Variants in ASPH observed in about 807,000 individuals in gnomAD.
The protein encoded by ASPH is aspartate beta-hydroxylase, also known as aspartyl/asparaginyl beta-hydroxylase.
ASPH carries 100 observed loss-of-function variants against 118.4 expected under a neutral mutation model. That is an observed-to-expected ratio of 0.84 (90% CI 0.72 to 1.00). The LOEUF (loss-of-function observed/expected upper bound fraction) is 1.00. Among genes scored for constraint, ASPH ranks in the 50% least tolerant of loss-of-function variants. The pLI is 0.00. For missense variants in ASPH, 920 were observed against 919.5 expected, an observed-to-expected ratio of 1.00 and a Z score of -0.01; for synonymous variants, 315 against 325.6, an observed-to-expected ratio of 0.97 and a Z score of 0.35.
intron 14 of ASPH, among the ~76,000 whole-genome samples, chr8:61,607,912 G>T (rs932896523): frequency 6.6e-6 from 1 of 152,192 alleles, no homozygotes; most frequent in East Asian, 1.9e-4. Context: ...ATCTCAAAGA[G>T]GATAGTGTCT....
At chr8:61,510,028 G>A (rs976529801) in intron 24 of ASPH, among the ~76,000 whole-genome samples, 3 of 152,156 alleles carry the variant, frequency 2.0e-5, no homozygotes, top group Non-Finnish European at 4.4e-5. Flanking sequence ...TGTTATGAGA[G>A]TGCTTGATCT....
intron 21 of ASPH, among the ~76,000 whole-genome samples, chr8:61,547,072 T>C (rs141703721): frequency 6.8e-4 from 103 of 152,342 alleles, no homozygotes; most frequent in African/African-American, 2.4e-3. Flanking sequence ...ATGAAGTTTT[T>C]ACATTTTGAG....
chr8:61,550,449 A>ACACG (rs1825557484), intron 20 of ASPH, among the ~76,000 whole-genome samples: 2 of 148,032 alleles, frequency 1.4e-5, no homozygotes, highest in Admixed American at 1.4e-4. Flanking sequence ...ACATACACAC[A>ACACG]CACACACACA....
chr8:61,563,778 C>CA (rs1830755535), intron 17 of ASPH, among the ~76,000 whole-genome samples: 1 of 152,210 alleles, frequency 6.6e-6, no homozygotes, highest in Non-Finnish European at 1.5e-5. Flanking sequence ...CCTATCTGCC[C>CA]ACCTAGGCTC....
At chr8:61,530,618 C>T (rs1206850150) in intron 21 of ASPH, among the ~76,000 whole-genome samples, 2 of 152,302 alleles carry the variant, frequency 1.3e-5, no homozygotes, top group Non-Finnish European at 1.5e-5. Flanking sequence ...TTAAAATTGA[C>T]TTCCTGCAGA....
intron 21 of ASPH, among the ~76,000 whole-genome samples, chr8:61,534,047 A>G (rs1446362213): frequency 1.3e-5 from 2 of 152,150 alleles, no homozygotes; most frequent in African/African-American, 4.8e-5. Flanking sequence ...TCCCGGGATC[A>G]AGTAATTCTC....
chr8:61,684,027 C>A lies in ASPH; in HGVS notation c.253+12G>T. 2 of 1,609,994 alleles carry A rather than the reference C, an allele frequency of 1.2e-6. No individual in the cohort carries two copies. The highest frequency in any genetic ancestry group is 1.7e-6 in the Non-Finnish European group (2 of 1,177,678). The stretch of plus-strand genomic sequence containing the variant: ...CTCTTACAAATTCACATAAGGATAT[C>A]AAAATTCTTACCTAGAACTTCCTCA... On this transcript the variant is annotated intron_variant, in intron 2 of 24. Transcript: ENST00000379454.
intron 20 of ASPH, 97 bp downstream of exon 20, chr8:61,552,934 A>G: frequency 9.5e-7 from 1 of 1,050,184 alleles, no homozygotes; most frequent in Non-Finnish European, 1.4e-6. Flanking sequence ...GAAAGTTCAC[A>G]CTCAAAATAT....
At chr8:61,587,876 C>A (rs1432055883) in intron 14 of ASPH, among the ~76,000 whole-genome samples, 1 of 152,114 alleles carries the variant, frequency 6.6e-6, no homozygotes, top group Non-Finnish European at 1.5e-5. Flanking sequence ...ACATGTTCTA[C>A]CTGTAGAAAA....
intron 18 of ASPH, among the ~76,000 whole-genome samples, chr8:61,559,865 C>T (rs1829176715): frequency 6.6e-6 from 1 of 152,088 alleles, no homozygotes; most frequent in Admixed American, 6.6e-5. Flanking sequence ...AAGACCACTG[C>T]TGCAGGAAAT....
At position 61,546,235 on chromosome 8, in the gene ASPH, G is replaced by A. The variant is rs527440779; in HGVS notation, c.1764+1836C>T. Among the ~76,000 whole-genome samples the A allele has an allele frequency of 2.0e-5, 3 of 152,310 alleles. No individual in the cohort carries two copies. The South Asian group carries it at 6.2e-4, about 32-fold the overall frequency. On this transcript the variant is annotated intron_variant, in intron 21 of 24. Transcript: ENST00000379454. ...AAGAACATCTTCCCTTGATTATACT[G>A]CCCCGAAGTCTGCCCTACTGCTAGG...
chr8:61,657,787 C>T (rs755821722), intron 3 of ASPH: 5 of 152,086 alleles, frequency 3.3e-5, no homozygotes, highest in African/African-American at 1.2e-4. Flanking sequence ...GCAAGCCACT[C>T]CCTCAACAAA....
intron 1 of ASPH, among the ~76,000 whole-genome samples, chr8:61,696,097 G>C (rs960261801): frequency 1.3e-5 from 2 of 152,114 alleles, no homozygotes; most frequent in Non-Finnish European, 2.9e-5. Flanking sequence ...CTCCCTGATT[G>C]ATCTTGGATG....
At position 61,681,010 on chromosome 8, in the gene ASPH, C is replaced by G; in HGVS notation, c.280G>C (p.Gly94Arg). 2 of 1,604,002 alleles carry G rather than the reference C, an allele frequency of 1.2e-6. No homozygotes were observed. Among genetic ancestry groups the G allele is most frequent in the Non-Finnish European group, 1.7e-6 (2 of 1,174,758 alleles). ...LGKLGIYDAD[G>R]DGDFDVDDAK... is the part of the protein sequence containing the mutation. ...TCATCCACATCAAAATCTCCATCACCATCAGCATCATAGATTCCTAGTTTT... is the reference window on the plus strand; with the variant it reads ...TCATCCACATCAAAATCTCCATCACGATCAGCATCATAGATTCCTAGTTTT... Residue 94 changes from glycine (G) to arginine (R), a missense_variant, in exon 3 of 25, where the codon GGT becomes CGT. Transcript: ENST00000379454.
intron 14 of ASPH, among the ~76,000 whole-genome samples, chr8:61,608,652 T>C (rs995920658): frequency 9.2e-5 from 14 of 152,216 alleles, no homozygotes; most frequent in Non-Finnish European, 1.6e-4. Context: ...TAAAAATTTT[T>C]AGTTAAGATG....
chr8:61,550,341 G>A (rs1313334268), intron 20 of ASPH, among the ~76,000 whole-genome samples: 2 of 152,080 alleles, frequency 1.3e-5, no homozygotes, highest in Admixed American at 6.6e-5. Flanking sequence ...GGGGCAGTAA[G>A]AGCCCCTGGG....
chr8:61,518,244 G>T, intron 22 of ASPH, 121 bp from the exon 23 acceptor site: 2 of 790,296 alleles, frequency 2.5e-6, no homozygotes, highest in Non-Finnish European at 4.0e-6. Context: ...GAGTAAACAT[G>T]AGAAGATGAA....
chr8:61,544,330 T>C (rs1371466002), intron 21 of ASPH, among the ~76,000 whole-genome samples: 2 of 152,242 alleles, frequency 1.3e-5, no homozygotes, highest in African/African-American at 4.8e-5. Flanking sequence ...AGTGCTTTTG[T>C]GGAGGGGTAG....
At chr8:61,677,620 G>A (rs529775758) in intron 3 of ASPH, among the ~76,000 whole-genome samples, 2 of 152,148 alleles carry the variant, frequency 1.3e-5, no homozygotes, top group African/African-American at 2.4e-5. Context: ...TAGGAAAAAC[G>A]CAAATTGCAG....
Sources: allele counts gnomAD v4.1 joint callset (sites outside exome capture counted in the v4.1 genomes callset), GRCh38; gene constraint gnomAD v4.1.1; transcripts MANE v1.5; gene names NCBI Gene and HGNC (gene_info 2026-07-23, HGNC 2026-07-21).